Variants in FFAR4 observed in about 807,000 individuals in gnomAD.
The protein encoded by FFAR4 is G-protein coupled receptor 120.
Under a neutral mutation model 27.0 loss-of-function variants are expected in FFAR4, and 19 were observed. That is an observed-to-expected ratio of 0.70 (90% CI 0.49 to 1.03). The LOEUF is 1.03. FFAR4 is among the 50% of genes least tolerant of loss of function. The pLI is 0.00. For missense variants in FFAR4, 476 were observed against 479.0 expected (o/e 0.99, Z 0.06); for synonymous variants, 254 against 215.6 (o/e 1.18, Z -1.56).
intron 2 of FFAR4, among the ~76,000 whole-genome samples, chr10:93,584,085 A>G (rs1258927979): frequency 3.9e-5 from 6 of 152,150 alleles, no homozygotes; most frequent in East Asian, 3.9e-4. Flanking sequence ...ACCCTGCCCA[A>G]CTGATATTCT....
chr10:93,568,908 C>T (rs926487833), intron 1 of FFAR4, among the ~76,000 whole-genome samples: 11 of 152,150 alleles, frequency 7.2e-5, no homozygotes, highest in Non-Finnish European at 1.5e-5. Context: ...TGGCCATGTC[C>T]ACTCAAGTGG....
intron 2 of FFAR4, among the ~76,000 whole-genome samples, chr10:93,578,773 G>A (rs1228366339): frequency 1.3e-5 from 2 of 152,244 alleles, no homozygotes; most frequent in Non-Finnish European, 2.9e-5. Flanking sequence ...AAAAGGTGCT[G>A]CTAAGATTTG....
At chr10:93,575,108 A>G (rs1031655941) in intron 1 of FFAR4, among the ~76,000 whole-genome samples, 85 of 152,236 alleles carry the variant, frequency 5.6e-4, no homozygotes, top group African/African-American at 2.0e-3. Context: ...ACTCCTAGAC[A>G]TTGGTTAAGA....
intron 2 of FFAR4, among the ~76,000 whole-genome samples, chr10:93,585,399 C>T (rs1441133831): frequency 6.6e-6 from 1 of 152,248 alleles, no homozygotes; most frequent in East Asian, 1.9e-4. Context: ...TCATTTTCCA[C>T]AAATATCACC....
intron 2 of FFAR4, 86 bp downstream of exon 2, chr10:93,576,305 C>T: frequency 7.1e-7 from 1 of 1,416,968 alleles, no homozygotes; most frequent in Non-Finnish European, 9.9e-7. Flanking sequence ...GGTCGGAGAA[C>T]ACCTAAGAGT....
intron 2 of FFAR4, among the ~76,000 whole-genome samples, chr10:93,584,658 C>T (rs2058217159): frequency 6.6e-6 from 1 of 152,070 alleles, no homozygotes; most frequent in African/African-American, 2.4e-5. Flanking sequence ...AGCAAGCAGC[C>T]ACATTGAATC....
At chr10:93,568,201 A>G (rs2058111133) in intron 1 of FFAR4, among the ~76,000 whole-genome samples, 1 of 151,986 alleles carries the variant, frequency 6.6e-6, no homozygotes, top group Non-Finnish European at 1.5e-5. Context: ...CGGGATCCAC[A>G]CGGAAGAGGG....
chr10:93,577,537 T>G (rs1446124345), intron 2 of FFAR4, among the ~76,000 whole-genome samples: 1 of 152,192 alleles, frequency 6.6e-6, no homozygotes, highest in African/African-American at 2.4e-5. Context: ...CTTGTTCAAG[T>G]GCAGGAGGCA....
chr10:93,579,443 C>T (rs578023822), intron 2 of FFAR4, among the ~76,000 whole-genome samples: 1 of 152,260 alleles, frequency 6.6e-6, no homozygotes, highest in South Asian at 2.1e-4. Context: ...CTCCAGATTT[C>T]TGCATGGGTC....
rs2058249212 is a variant in FFAR4, at chr10:93,589,354, T to C, written c.*1745T>C. On this transcript the variant is annotated 3_prime_UTR_variant, in exon 3 of 3. Transcript: ENST00000371481. ...GAGCATGAGTGAAAATGGAGACCAG[T>C]TGGGCAGCTGCTGAAGTGTGACATG... 1 of 152,280 alleles carries C rather than the reference T, an allele frequency of 6.6e-6. No homozygotes were observed. The highest frequency in any genetic ancestry group is 1.5e-5 in the Non-Finnish European group (1 of 68,092). 9.4% of individuals were successfully genotyped at this position (152,280 alleles called of 1,614,324 possible).
Position 93,590,007 on chromosome 10 carries a change from C to T in FFAR4, c.*2398C>T, listed in dbSNP as rs879209762. Reference sequence around the variant, plus strand: ...TGGATATCACAAGCTCGAAGACAAACGAACAGAGATGTTTTGCTCACTTTA... The same window carrying T: ...TGGATATCACAAGCTCGAAGACAAATGAACAGAGATGTTTTGCTCACTTTA... On this transcript the variant is annotated 3_prime_UTR_variant, in exon 3 of 3. Transcript: ENST00000371481. The T allele has an allele frequency of 3.3e-5, 5 of 152,150 alleles. No individual in the cohort carries two copies. The highest frequency in any genetic ancestry group is 4.1e-4 in the South Asian group (2 of 4,824). 9.4% of individuals were successfully genotyped at this position (152,150 alleles called of 1,614,324 possible).
chr10:93,570,744 T>C (rs113175858), intron 1 of FFAR4, among the ~76,000 whole-genome samples: 51 of 152,256 alleles, frequency 3.3e-4, no homozygotes, highest in African/African-American at 1.2e-3. Context: ...ACTCTAAAAC[T>C]TCACTGAAGA....
chr10:93,569,449 G>C (rs2058119560), intron 1 of FFAR4, among the ~76,000 whole-genome samples: 2 of 152,140 alleles, frequency 1.3e-5, no homozygotes, highest in Admixed American at 6.5e-5. Context: ...TCCATGTCTT[G>C]GCCACTTAGT....
chr10:93,574,194 G>C (rs2058148692), intron 1 of FFAR4, among the ~76,000 whole-genome samples: 1 of 152,090 alleles, frequency 6.6e-6, no homozygotes, highest in South Asian at 2.1e-4. Flanking sequence ...TTAGGGACCT[G>C]CTTTTTTCTT....
At chr10:93,575,746 A>G (rs1331391147) in intron 1 of FFAR4, among the ~76,000 whole-genome samples, 1 of 152,218 alleles carries the variant, frequency 6.6e-6, no homozygotes, top group Non-Finnish European at 1.5e-5. Flanking sequence ...GTAAAATGGC[A>G]GGCTTGGAAG....
chr10:93,570,825 A>G (rs1416817689), intron 1 of FFAR4, among the ~76,000 whole-genome samples: 1 of 152,142 alleles, frequency 6.6e-6, no homozygotes, highest in Non-Finnish European at 1.5e-5. Flanking sequence ...GGAGTCAAAC[A>G]TTCTGTTTAA....
intron 2 of FFAR4, among the ~76,000 whole-genome samples, chr10:93,577,555 G>A (rs142213035): frequency 7.3e-4 from 111 of 152,318 alleles, no homozygotes; most frequent in African/African-American, 2.5e-3. Flanking sequence ...GCAGATTCAG[G>A]CCTGGAGTTA....
At chr10:93,568,031 C>T (rs538747615) in intron 1 of FFAR4, among the ~76,000 whole-genome samples, 1 of 152,266 alleles carries the variant, frequency 6.6e-6, no homozygotes, top group East Asian at 1.9e-4. Context: ...CAATAGTTGT[C>T]ATTATTAGCT....
intron 2 of FFAR4, among the ~76,000 whole-genome samples, chr10:93,583,273 G>C (rs186296955): frequency 6.7e-6 from 1 of 150,200 alleles, no homozygotes; most frequent in Admixed American, 6.7e-5. Context: ...AAAATTAGCC[G>C]GGCGTGATGG....
Sources: allele counts gnomAD v4.1 joint callset (sites outside exome capture counted in the v4.1 genomes callset), GRCh38; gene constraint gnomAD v4.1.1; transcripts MANE v1.5; gene names NCBI Gene and HGNC (gene_info 2026-07-23, HGNC 2026-07-21).